The following SOD2 variants were observed in gnomAD, a reference collection of about 807,000 sequenced individuals.
The protein encoded by SOD2 is superoxide dismutase [Mn], mitochondrial.
Under a neutral mutation model 27.0 loss-of-function variants are expected in SOD2, and 11 were observed. That is an observed-to-expected ratio of 0.41 (90% confidence interval 0.26 to 0.67). The LOEUF (loss-of-function observed/expected upper bound fraction) is 0.67, where lower values mean the gene tolerates loss of function less well. SOD2 is among the 30% of genes least tolerant of loss of function. SOD2 has a pLI of 0.34. For missense variants in SOD2, 250 were observed against 274.5 expected, an observed-to-expected ratio of 0.91 and a Z score of 0.63; for synonymous variants, 105 against 103.0, an observed-to-expected ratio of 1.02 and a Z score of -0.12.
chr6:159,742,835 C>G (rs1335325908), intron 1 of SOD2, among the ~76,000 whole-genome samples: 2 of 151,700 alleles, frequency 1.3e-5, no homozygotes, highest in East Asian at 1.9e-4. Context: ...GTGGGAAGAT[C>G]ACTTGAGCCC....
At position 159,676,255 on chromosome 6, in the gene SOD2, C is replaced by G. The variant is rs1050441221; in HGVS notation, c.*6238G>C. 6.6e-6 allele frequency: 1 copy of G among 151,998 alleles called. No homozygotes were observed. Among genetic ancestry groups the G allele is most frequent in the African/African-American group, 2.4e-5 (1 of 41,360 alleles). The allele number at this position is 151,998 out of a possible 1,614,324, so 9.4% of individuals were successfully genotyped here. ...AGCCATCCCATTACTGGGTATATAC[C>G]CAAAGGATTATAAATCATGCTGCTA... is the stretch of plus-strand genomic sequence containing the variant. On this transcript the variant is annotated 3_prime_UTR_variant, in exon 5 of 5. Transcript: ENST00000538183.
upstream of SOD2, chr6:159,727,548 G>A (rs904670470): frequency 3.0e-6 from 3 of 989,114 alleles, no homozygotes; most frequent in Non-Finnish European, 2.4e-6. Context: ...CACAAATAAA[G>A]GGGAGCGCAG....
chr6:159,713,966 C>A, intron 1 of SOD2: 1 of 834,646 alleles, frequency 1.2e-6, no homozygotes, highest in Non-Finnish European at 1.9e-6. Context: ...GAACCCCTCC[C>A]TGCCTTCCGT....
chr6:159,687,582 G>A (rs554540441), intron 3 of SOD2, among the ~76,000 whole-genome samples: 3 of 152,098 alleles, frequency 2.0e-5, no homozygotes, highest in Non-Finnish European at 4.4e-5. Context: ...TTCTATGTTG[G>A]CGTGAACATA....
chr6:159,690,447 TA>T (rs922732490), intron 2 of SOD2, among the ~76,000 whole-genome samples: 70 of 150,816 alleles, frequency 4.6e-4, no homozygotes, highest in African/African-American at 1.5e-3. Context: ...TAGACAGAAT[TA>T]AAAAAAAAAT....
chr6:159,674,724 A>G lies in SOD2; in HGVS notation c.*7769T>C, dbSNP rs1453863001. 6.6e-6 allele frequency: 1 copy of G among 152,224 alleles called. No individual in the cohort carries two copies. The highest frequency in any genetic ancestry group is 2.4e-5 in the African/African-American group (1 of 41,456). The allele number at this position is 152,224 out of a possible 1,614,324, so 9.4% of individuals were successfully genotyped here. On this transcript the variant is annotated 3_prime_UTR_variant, in exon 5 of 5. Coordinates refer to ENST00000538183, the MANE Select transcript of SOD2 (RefSeq NM_000636.4). ...CCCTCTCTCACCACTCCTATTCAAC[A>G]TAGTGTTGGAAGTTCTGGCCAGGGC...
At chr6:159,692,985 CCCGCTCCAGCCG>C in intron 1 of SOD2, 122 bp from the exon 2 acceptor site, 1 of 1,346,996 alleles carries the variant, frequency 7.4e-7, no homozygotes. Context: ...CCTGCGGATC[CCCGCTCCAGCCG>C]CCGCGCCGGG....
chr6:159,750,545 C>A (rs569409490), intron 1 of SOD2, among the ~76,000 whole-genome samples: 1 of 152,158 alleles, frequency 6.6e-6, no homozygotes, highest in Non-Finnish European at 1.5e-5. Flanking sequence ...AAGATAATTT[C>A]TATGCATATA....
rs905364656 is a variant in SOD2, at chr6:159,675,130, C to G, written c.*7363G>C. 3 of 152,180 alleles carry G rather than the reference C, an allele frequency of 2.0e-5. No individual in the cohort carries two copies. The highest frequency in any genetic ancestry group is 2.0e-4 in the Admixed American group (3 of 15,278). The allele number at this position is 152,180 out of a possible 1,614,324, so 9.4% of individuals were successfully genotyped here. On this transcript the variant is annotated 3_prime_UTR_variant, in exon 5 of 5. Transcript: ENST00000538183. The stretch of plus-strand genomic sequence containing the variant: ...AACAAATGGAAGAACATTCCATGCT[C>G]ATGGATAGGAAGAATCAATATCGTG...
intron 1 of SOD2, among the ~76,000 whole-genome samples, chr6:159,711,650 T>TA (rs1777773354): frequency 8.2e-5 from 1 of 12,222 alleles, no homozygotes; most frequent in African/African-American, 3.4e-4. Context: ...CCACCTCCAA[T>TA]ACCACCACTC....
chr6:159,726,918 C>A, intron 1 of SOD2: 1 of 1,288,886 alleles, frequency 7.8e-7, no homozygotes, highest in Non-Finnish European at 1.0e-6. Flanking sequence ...TGAGGTGGCA[C>A]CTGGTCCTCC....
intron 1 of SOD2, among the ~76,000 whole-genome samples, chr6:159,707,323 A>T (rs1166894162): frequency 1.3e-5 from 2 of 152,198 alleles, no homozygotes; most frequent in African/African-American, 4.8e-5. Flanking sequence ...AAATCAATGA[A>T]TCCAGAAGCT....
At chr6:159,713,450 T>C (rs1187741449) in intron 1 of SOD2, 2 of 650,192 alleles carry the variant, frequency 3.1e-6, no homozygotes, top group East Asian at 5.2e-5. Context: ...TTCTAGAAGA[T>C]TTCAATGTAC....
At chr6:159,697,034 G>GACACAC (rs35334577), upstream of SOD2, among the ~76,000 whole-genome samples, 8,350 of 132,610 alleles carry the variant, frequency 0.063, 375 homozygotes, top group South Asian at 0.1. Context: ...AGGAGACCCT[G>GACACAC]ACACACACAC....
intron 1 of SOD2, among the ~76,000 whole-genome samples, chr6:159,710,628 A>G (rs894728224): frequency 6.6e-6 from 1 of 152,044 alleles, no homozygotes; most frequent in Admixed American, 6.5e-5. Context: ...CTACCTAACC[A>G]AGCTTTGACT....
intron 2 of SOD2, 145 bp from the exon 3 acceptor site, chr6:159,688,387 C>T (rs1170942611): frequency 1.7e-6 from 1 of 590,804 alleles, no homozygotes; most frequent in East Asian, 2.9e-5. Context: ...CAGCACCCCC[C>T]CGCCCCAAAA....
intron 1 of SOD2, among the ~76,000 whole-genome samples, chr6:159,739,955 G>A (rs1779150067): frequency 1.4e-5 from 2 of 144,512 alleles, no homozygotes; most frequent in Admixed American, 1.5e-4. Flanking sequence ...TCTGTCTTAT[G>A]CTGAAGTATA....
Position 159,674,805 on chromosome 6 carries a change from T to C in SOD2, c.*7688A>G, listed in dbSNP as rs1380177709. 1 of 152,220 alleles carries C rather than the reference T, an allele frequency of 6.6e-6. No individual in the cohort carries two copies. Among genetic ancestry groups the C allele is most frequent in the Non-Finnish European group, 1.5e-5 (1 of 68,038 alleles). The allele number at this position is 152,220 out of a possible 1,614,324, so 9.4% of individuals were successfully genotyped here. A position where few individuals can be genotyped will look rare whatever the true frequency, so the allele number is the denominator to read the frequency against. Reference sequence around the variant, plus strand: ...TCAATAAGGAAAAGAGGAAGTCAAATTGTCCCTGTTTGCAGATGACATGAT... The same window carrying C: ...TCAATAAGGAAAAGAGGAAGTCAAACTGTCCCTGTTTGCAGATGACATGAT... On this transcript the variant is annotated 3_prime_UTR_variant, in exon 5 of 5. Transcript: ENST00000538183.
chr6:159,688,301 T>A, intron 2 of SOD2, 59 bp from the exon 3 acceptor site: 1 of 963,494 alleles, frequency 1.0e-6, no homozygotes, highest in Non-Finnish European at 1.7e-6. Context: ...AACCACTGTA[T>A]ACATTATATT....
Sources: allele counts gnomAD v4.1 joint callset (sites outside exome capture counted in the v4.1 genomes callset), GRCh38; gene constraint gnomAD v4.1.1; transcripts MANE v1.5; gene names NCBI Gene and HGNC (gene_info 2026-07-23, HGNC 2026-07-21).